Variants in RNF216 observed in about 807,000 individuals in gnomAD.
The protein encoded by RNF216 is ring finger protein 216, also known as E3 ubiquitin-protein ligase RNF216.
A neutral mutation model predicts 110.8 loss-of-function variants in RNF216; 72 were observed. The observed-to-expected ratio is 0.65, with a 90% CI of 0.54 to 0.79. RNF216 has a LOEUF of 0.79. Among genes scored for constraint, RNF216 ranks in the 30% least tolerant of loss-of-function variants. RNF216 has a pLI of 0.00. For missense variants in RNF216, 1,342 were observed against 1,141.2 expected, an observed-to-expected ratio of 1.18 and a Z score of -2.54; for synonymous variants, 495 against 407.5, an observed-to-expected ratio of 1.21 and a Z score of -2.59.
chr7:5,771,714 T>C (rs2128680705), intron 1 of RNF216, among the ~76,000 whole-genome samples: 1 of 152,186 alleles, frequency 6.6e-6, no homozygotes, highest in African/African-American at 2.4e-5. Flanking sequence ...GGAAGATCTC[T>C]TGAGCTCGAG....
chr7:5,644,006 T>C (rs1433386733), intron 14 of RNF216, among the ~76,000 whole-genome samples: 1 of 152,252 alleles, frequency 6.6e-6, no homozygotes, highest in East Asian at 1.9e-4. Flanking sequence ...ACCTATGTTG[T>C]AGCATGTATC....
At chr7:5,694,645 T>C (rs1211762480) in intron 13 of RNF216, among the ~76,000 whole-genome samples, 2 of 152,196 alleles carry the variant, frequency 1.3e-5, no homozygotes, top group Non-Finnish European at 2.9e-5. Flanking sequence ...GGCCCACTTG[T>C]GGCGCAATTT....
At chr7:5,690,408 G>T (rs1158660560) in intron 13 of RNF216, among the ~76,000 whole-genome samples, 2 of 151,972 alleles carry the variant, frequency 1.3e-5, no homozygotes, top group African/African-American at 2.4e-5. Context: ...TCAGAAGCTA[G>T]GTCAGTTTTG....
intron 13 of RNF216, among the ~76,000 whole-genome samples, chr7:5,659,258 A>AAAC (rs1388728302): frequency 4.6e-5 from 7 of 152,336 alleles, no homozygotes; most frequent in Admixed American, 3.3e-4. Context: ...ATACAGCAAT[A>AAAC]AACAAGTTAG....
rs191612450 is a variant in RNF216, at chr7:5,656,146, G to A, written c.2062-3636C>T. 3.3e-5 allele frequency among the ~76,000 whole-genome samples: 5 copies of A among 152,264 alleles called. No homozygotes were observed. In the East Asian group the frequency reaches 9.7e-4, roughly 29 times the overall value. On this transcript the variant is annotated intron_variant, in intron 13 of 16. Coordinates refer to ENST00000389902, the MANE Select transcript of RNF216 (RefSeq NM_207111.4). ...TAGCCGGGCATGGTGGCGGGCTTCTGTAATCCCAGCTACTCTGGAAGCTGA... is the reference window on the plus strand; with the variant it reads ...TAGCCGGGCATGGTGGCGGGCTTCTATAATCCCAGCTACTCTGGAAGCTGA...
intron 3 of RNF216, among the ~76,000 whole-genome samples, chr7:5,742,070 A>G (rs1174906916): frequency 6.6e-6 from 1 of 152,172 alleles, no homozygotes; most frequent in Non-Finnish European, 1.5e-5. Flanking sequence ...TTTTTGAGAC[A>G]CAGTTTTCCT....
At chr7:5,688,477 C>T (rs113925044) in intron 13 of RNF216, among the ~76,000 whole-genome samples, 51 of 152,264 alleles carry the variant, frequency 3.3e-4, no homozygotes, top group Non-Finnish European at 4.4e-4. Context: ...ACTGAATGTG[C>T]TAAGAAATAC....
At chr7:5,708,145 T>A (rs555721840) in intron 13 of RNF216, among the ~76,000 whole-genome samples, 3 of 152,368 alleles carry the variant, frequency 2.0e-5, no homozygotes, top group Admixed American at 2.0e-4. Context: ...TTAAGACCTG[T>A]ATTATGATCT....
chr7:5,670,284 TC>T (rs1789818467), intron 13 of RNF216, among the ~76,000 whole-genome samples: 1 of 151,990 alleles, frequency 6.6e-6, no homozygotes, highest in South Asian at 2.1e-4. Context: ...AGGATCCATT[TC>T]CTGCACATGC....
At chr7:5,744,958 C>T (rs1312150884) in intron 3 of RNF216, among the ~76,000 whole-genome samples, 2 of 149,388 alleles carry the variant, frequency 1.3e-5, no homozygotes, top group Non-Finnish European at 3.0e-5. Flanking sequence ...GGTGACAGAG[C>T]AAAACTCCCA....
intron 14 of RNF216, among the ~76,000 whole-genome samples, chr7:5,646,225 CG>C (rs1482224433): frequency 6.6e-6 from 1 of 151,966 alleles, no homozygotes; most frequent in African/African-American, 2.4e-5. Flanking sequence ...GTAAATTAGC[CG>C]GGCATGGTGG....
rs559780814 is a variant in RNF216, at chr7:5,765,776, C to A, written c.-69-4638G>T. ...TGGGCAACACAGTGAAACCCCGTCT[C>A]TACTAAAATACAAAAAAAAAAAAAA... On this transcript the variant is annotated intron_variant, in intron 1 of 16. Coordinates refer to ENST00000389902, the MANE Select transcript of RNF216 (RefSeq NM_207111.4). 2.1e-3 allele frequency among the ~76,000 whole-genome samples: 262 copies of A among 124,070 alleles called. 3 individuals carry two copies. The highest frequency in any genetic ancestry group is 0.012 in the Middle Eastern group (3 of 250). The allele number at this position is 124,070 out of a possible 152,430, so 81.4% of individuals were successfully genotyped here.
At chr7:5,711,707 C>A in intron 13 of RNF216, 54 bp downstream of exon 13, 1 of 1,439,914 alleles carries the variant, frequency 6.9e-7, no homozygotes, top group Non-Finnish European at 9.6e-7. Flanking sequence ...GCCATGAGGG[C>A]AGCCCATAAT....
At chr7:5,750,755 T>C (rs1584570496) in intron 3 of RNF216, among the ~76,000 whole-genome samples, 1 of 152,364 alleles carries the variant, frequency 6.6e-6, no homozygotes, top group African/African-American at 2.4e-5. Flanking sequence ...CTTACTCTCC[T>C]TAATCTTTCC....
intron 2 of RNF216, among the ~76,000 whole-genome samples, chr7:5,753,210 A>G (rs937230429): frequency 1.3e-5 from 2 of 152,230 alleles, no homozygotes; most frequent in Non-Finnish European, 2.9e-5. Flanking sequence ...ACTATGCTCA[A>G]GATTATCAAC....
intron 1 of RNF216, among the ~76,000 whole-genome samples, chr7:5,771,466 G>A (rs1186059869): frequency 1.3e-5 from 2 of 152,116 alleles, no homozygotes; most frequent in African/African-American, 4.8e-5. Context: ...AAGCCACCAG[G>A]AGAAAATATA....
intron 13 of RNF216, among the ~76,000 whole-genome samples, chr7:5,665,267 T>C (rs775521733): frequency 6.6e-6 from 1 of 152,120 alleles, no homozygotes; most frequent in Non-Finnish European, 1.5e-5. Flanking sequence ...AATGCAGAAA[T>C]TCAAATCTGG....
intron 15 of RNF216, among the ~76,000 whole-genome samples, chr7:5,631,315 G>C (rs1440768659): frequency 1.3e-5 from 2 of 152,192 alleles, no homozygotes; most frequent in Non-Finnish European, 2.9e-5. Context: ...CCTTTGGGAT[G>C]AAAGCCAGTA....
chr7:5,745,911 A>T (rs1317438025), intron 3 of RNF216, among the ~76,000 whole-genome samples: 1 of 151,388 alleles, frequency 6.6e-6, no homozygotes, highest in African/African-American at 2.4e-5. Flanking sequence ...AAAAAAAAAA[A>T]AGAGCAACGA....
Sources: allele counts gnomAD v4.1 joint callset (sites outside exome capture counted in the v4.1 genomes callset), GRCh38; gene constraint gnomAD v4.1.1; transcripts MANE v1.5; gene names NCBI Gene and HGNC (gene_info 2026-07-23, HGNC 2026-07-21).